DENND2C: variants seen among roughly 807,000 people sequenced by gnomAD.
DENND2C encodes the protein DENN domain-containing protein 2C.
A neutral mutation model predicts 112.4 loss-of-function variants in DENND2C; 72 were observed. The ratio of observed to expected loss-of-function variants is 0.64; its 90% CI spans 0.53 to 0.78. The LOEUF (loss-of-function observed/expected upper bound fraction) is 0.78. Among genes scored for constraint, DENND2C ranks in the 30% least tolerant of loss-of-function variants. The pLI, the probability that DENND2C is intolerant of heterozygous loss-of-function variation, is 0.00. For missense variants in DENND2C, 992 were observed against 1,113.8 expected (o/e 0.89, Z 1.56); for synonymous variants, 329 against 381.6 (o/e 0.86, Z 1.61).
At chr1:114,596,545 C>A (rs1034446443) in intron 16 of DENND2C, among the ~76,000 whole-genome samples, 1 of 151,928 alleles carries the variant, frequency 6.6e-6, no homozygotes, top group Non-Finnish European at 1.5e-5. Context: ...TTTAAATATG[C>A]CCTTATGTTA....
chr1:114,603,526 C>CCCTT (rs1310496893), intron 11 of DENND2C, among the ~76,000 whole-genome samples: 3 of 151,138 alleles, frequency 2.0e-5, no homozygotes, highest in Non-Finnish European at 2.9e-5. Flanking sequence ...CTCCCTCCCT[C>CCCTT]CCTTCCTTCC....
intron 3 of DENND2C, among the ~76,000 whole-genome samples, chr1:114,627,905 C>A (rs1246247281): frequency 6.6e-6 from 1 of 151,896 alleles, no homozygotes; most frequent in Admixed American, 6.6e-5. Flanking sequence ...TCCTGGTTAA[C>A]CCTTTCTTTA....
intron 13 of DENND2C, 21 bp downstream of exon 13, chr1:114,601,487 T>C: frequency 6.2e-7 from 1 of 1,604,624 alleles, no homozygotes; most frequent in Non-Finnish European, 8.5e-7. Context: ...CCATTTTTCA[T>C]ACAGCTCATT....
chr1:114,638,762 C>CAA (rs35740017), intron 3 of DENND2C, among the ~76,000 whole-genome samples: 14 of 84,064 alleles, frequency 1.7e-4, no homozygotes, highest in African/African-American at 3.1e-4. Flanking sequence ...GACCTTGTCT[C>CAA]AAAAAAAAAA....
intron 7 of DENND2C, among the ~76,000 whole-genome samples, chr1:114,620,221 A>G (rs1338448411): frequency 6.6e-6 from 1 of 152,208 alleles, no homozygotes; most frequent in Non-Finnish European, 1.5e-5. Context: ...CATCCTAAAA[A>G]GATTCAATCC....
chr1:114,655,233 C>T (rs2101693009), intron 1 of DENND2C, among the ~76,000 whole-genome samples: 1 of 152,264 alleles, frequency 6.6e-6, no homozygotes, highest in Admixed American at 6.5e-5. Flanking sequence ...TGAAAGCTGT[C>T]TATATACCTT....
rs752343238 is a variant in DENND2C at position 114,625,349 on chromosome 1, T to C, written c.636A>G (p.Lys212=). Residue 212 remains lysine (K), a synonymous_variant, in exon 4 of 21, where the codon AAA becomes AAG. Transcript: ENST00000393274. ...ATAAATATCTGAATGTCCTACGAGG[T>C]TTTGGCAAAGGATTTATGGAAGGTC... The part of the protein sequence containing the change: ...ECGPSINPLP[K]PRRTFRYLSE... 3.7e-6 allele frequency: 6 copies of C among 1,614,028 alleles called. No individual in the cohort carries two copies. Among genetic ancestry groups the C allele is most frequent in the Non-Finnish European group, 4.2e-6 (5 of 1,180,026 alleles).
intron 11 of DENND2C, among the ~76,000 whole-genome samples, chr1:114,602,741 T>C (rs1420452990): frequency 6.6e-6 from 1 of 151,980 alleles, no homozygotes; most frequent in Non-Finnish European, 1.5e-5. Context: ...TCTTTTAATT[T>C]TGTGTAGAGA....
intron 8 of DENND2C, among the ~76,000 whole-genome samples, chr1:114,615,385 T>C (rs957614339): frequency 3.3e-5 from 5 of 152,224 alleles, no homozygotes; most frequent in African/African-American, 9.6e-5. Flanking sequence ...CCGTTGATGA[T>C]AGAAAAAGAT....
At chr1:114,613,629 G>C (rs1655882255) in intron 8 of DENND2C, among the ~76,000 whole-genome samples, 1 of 152,022 alleles carries the variant, frequency 6.6e-6, no homozygotes, top group South Asian at 2.1e-4. Context: ...AGAAACTTAG[G>C]AAGTGTTTGG....
At chr1:114,616,089 A>G (rs1425956862) in intron 8 of DENND2C, among the ~76,000 whole-genome samples, 1 of 151,582 alleles carries the variant, frequency 6.6e-6, no homozygotes, top group Non-Finnish European at 1.5e-5. Context: ...AAAGAAAAGA[A>G]AAAGAAAAAG....
At chr1:114,592,230 A>G (rs1038486798) in intron 18 of DENND2C, among the ~76,000 whole-genome samples, 4 of 152,096 alleles carry the variant, frequency 2.6e-5, no homozygotes, top group African/African-American at 9.7e-5. Context: ...ACTGATACAC[A>G]ACGCTGGCTC....
At chr1:114,629,317 G>A (rs1214746894) in intron 3 of DENND2C, among the ~76,000 whole-genome samples, 1 of 152,120 alleles carries the variant, frequency 6.6e-6, no homozygotes, top group Non-Finnish European at 1.5e-5. Flanking sequence ...TGCTCTTGTT[G>A]CCCAGGCTGG....
At chr1:114,616,259 C>T (rs1027037024) in intron 8 of DENND2C, among the ~76,000 whole-genome samples, 7 of 151,348 alleles carry the variant, frequency 4.6e-5, no homozygotes, top group East Asian at 3.9e-4. Context: ...GGTGTGGTGC[C>T]GTGTGCCTGT....
intron 12 of DENND2C, among the ~76,000 whole-genome samples, chr1:114,601,886 A>G (rs1368854467): frequency 6.6e-6 from 1 of 152,192 alleles, no homozygotes; most frequent in Non-Finnish European, 1.5e-5. Context: ...TTCAGCCACT[A>G]TGTCATCAGT....
intron 3 of DENND2C, among the ~76,000 whole-genome samples, chr1:114,627,582 CA>C (rs5777200): frequency 2.4e-3 from 344 of 144,122 alleles, no homozygotes; most frequent in East Asian, 7.0e-3. Flanking sequence ...TAGTCTGACG[CA>C]AAAAAAAAAA....
Position 114,625,744 on chromosome 1 carries a change from G to T in DENND2C, c.241C>A (p.Leu81Ile), listed in dbSNP as rs537409755. 13 of 1,613,790 alleles carry T rather than the reference G, an allele frequency of 8.1e-6. No homozygotes were observed. The South Asian group carries it at 1.4e-4, about 18-fold the overall frequency. Residue 81 changes from leucine to isoleucine, a missense_variant, in exon 4 of 21, where the codon CTA becomes ATA. By Grantham distance (5) the Leu-to-Ile change is conservative. This residue lies in a region of DENND2C where 470 missense variants were observed against 472.7 expected (regional missense o/e 0.99). Coordinates refer to ENST00000393274, the MANE Select transcript of DENND2C (RefSeq NM_001256404.2). The part of the protein sequence containing the change: ...LDVTSRENVG[L>I]DINENTKSHD... Reference sequence around the variant, plus strand: ...CTTTTGGTATTTTCATTTATATCTAGACCCACATTTTCACGGCTGGTTACA... The same window carrying T: ...CTTTTGGTATTTTCATTTATATCTATACCCACATTTTCACGGCTGGTTACA...
chr1:114,654,941 C>T (rs912603515), intron 1 of DENND2C, among the ~76,000 whole-genome samples, 180 bp from the exon 2 acceptor site: 2 of 152,146 alleles, frequency 1.3e-5, no homozygotes, highest in African/African-American at 2.4e-5. Context: ...AGGAAAAACG[C>T]TCTATTTAAG....
At chr1:114,639,647 G>T in intron 3 of DENND2C, among the ~76,000 whole-genome samples, 1 of 146,458 alleles carries the variant, frequency 6.8e-6, no homozygotes, top group South Asian at 2.2e-4. Flanking sequence ...TTTTCTATTT[G>T]GTTCTTTTTT....
Sources: gnomAD v4.1 joint callset for allele counts (sites outside exome capture counted in the v4.1 genomes callset) on GRCh38, gnomAD v4.1.1 for gene constraint, gnomAD v4.1.1 regional missense constraint, MANE v1.5 for transcripts, NCBI Gene and HGNC (gene_info 2026-07-23, HGNC 2026-07-21) for gene names.